The following PLCL2 variants were observed in gnomAD, a reference collection of about 807,000 sequenced individuals.
PLCL2 encodes inactive phospholipase C-like protein 2.
A neutral mutation model predicts 79.6 loss-of-function variants in PLCL2; 4 were observed. The ratio of observed to expected loss-of-function variants is 0.05; its 90% CI spans 0.02 to 0.11. PLCL2 has a LOEUF of 0.11. PLCL2 is among the 10% of genes least tolerant of loss of function. The pLI is 1.00. For missense variants in PLCL2, 895 were observed against 1,291.0 expected (o/e 0.69, Z 4.70); for synonymous variants, 484 against 457.7 (o/e 1.06, Z -0.73).
At chr3:16,985,788 G>A (rs1288028528) in intron 1 of PLCL2, among the ~76,000 whole-genome samples, 1 of 152,144 alleles carries the variant, frequency 6.6e-6, no homozygotes, top group South Asian at 2.1e-4. Context: ...AGAGCACATG[G>A]GAATTAAGCA....
intron 3 of PLCL2, among the ~76,000 whole-genome samples, chr3:17,041,677 C>T (rs933004689): frequency 1.5e-4 from 23 of 152,266 alleles, no homozygotes; most frequent in African/African-American, 5.5e-4. Context: ...GGTGCGGTGG[C>T]TTATGCCTGT....
intron 3 of PLCL2, among the ~76,000 whole-genome samples, chr3:17,039,416 G>C (rs1352061915): frequency 2.0e-5 from 3 of 152,222 alleles, no homozygotes. Flanking sequence ...TTCCTTAAGA[G>C]TACCTAGAGG....
At chr3:17,069,607 A>C (rs1394617064) in intron 5 of PLCL2, among the ~76,000 whole-genome samples, 2 of 152,182 alleles carry the variant, frequency 1.3e-5, no homozygotes, top group Non-Finnish European at 2.9e-5. Context: ...GAGCCCCAAC[A>C]GATTCAAGAC....
rs751478114 is a variant in PLCL2, at chr3:17,010,558, G to C, written c.1212G>C (p.Gly404=). 6.2e-7 allele frequency: 1 copy of C among 1,614,022 alleles called. No homozygotes were observed. The highest frequency in any genetic ancestry group is 1.1e-5 in the South Asian group (1 of 91,056). ...GQEKGWLSID[G]FTNYLMSPDC... is the part of the protein sequence containing the mutation. ...AAAAGGGCTGGCTCTCCATAGACGG[G>C]TTCACTAATTACCTTATGTCACCTG... Residue 404 remains glycine, a synonymous_variant, in exon 2 of 6, where the codon GGG becomes GGC. Transcript: ENST00000615277. This position sits in a 1 kb window ranked among gnomAD's most constrained non-coding sequence, Gnocchi z 5.8.
intron 1 of PLCL2, among the ~76,000 whole-genome samples, chr3:16,950,147 G>T (rs141614822): frequency 6.6e-6 from 1 of 152,082 alleles, no homozygotes; most frequent in African/African-American, 2.4e-5. Flanking sequence ...TCCTTTTTTG[G>T]CATCAACCTC....
intron 5 of PLCL2, among the ~76,000 whole-genome samples, chr3:17,072,670 GAAAAAAAA>G (rs547845475): frequency 1.3e-5 from 1 of 77,076 alleles, no homozygotes. Flanking sequence ...CTGTCTCAAA[GAAAAAAAA>G]AAAAAAAAAG....
At chr3:16,932,771 A>G (rs559987428) in intron 1 of PLCL2, among the ~76,000 whole-genome samples, 1 of 152,300 alleles carries the variant, frequency 6.6e-6, no homozygotes, top group Non-Finnish European at 1.5e-5. Flanking sequence ...ATGAATTACA[A>G]CTTATTAGTT....
chr3:16,895,051 T>C (rs552810853), intron 1 of PLCL2, among the ~76,000 whole-genome samples: 2 of 152,066 alleles, frequency 1.3e-5, no homozygotes, highest in South Asian at 2.1e-4. Flanking sequence ...TATATAGATA[T>C]GTTGAAACAC....
intron 1 of PLCL2, among the ~76,000 whole-genome samples, chr3:16,906,948 G>A (rs1161490452): frequency 3.3e-5 from 5 of 152,250 alleles, no homozygotes; most frequent in South Asian, 2.1e-4. Flanking sequence ...CTTGGAAGGT[G>A]TTTTTTCCCC....
chr3:16,994,815 A>G (rs2064137418), intron 1 of PLCL2, among the ~76,000 whole-genome samples: 1 of 152,014 alleles, frequency 6.6e-6, no homozygotes. Flanking sequence ...CCTGCTCTCC[A>G]CAGTGCTCAC....
chr3:17,042,734 A>G, intron 3 of PLCL2, 140 bp from the exon 4 acceptor site: 1 of 638,362 alleles, frequency 1.6e-6, no homozygotes, highest in Non-Finnish European at 2.9e-6. Flanking sequence ...TGCACATTTG[A>G]AGTTGAGTAG....
chr3:17,050,580 C>T (rs953238965), intron 4 of PLCL2, among the ~76,000 whole-genome samples: 3 of 152,086 alleles, frequency 2.0e-5, no homozygotes, highest in African/African-American at 7.2e-5. Context: ...AAATGCAAAT[C>T]AAAACTAAAT....
intron 1 of PLCL2, among the ~76,000 whole-genome samples, chr3:16,956,166 T>C (rs905366654): frequency 6.6e-6 from 1 of 152,176 alleles, no homozygotes; most frequent in African/African-American, 2.4e-5. Context: ...GCTGTGGGTT[T>C]GTCATAAATA....
At chr3:17,078,076 C>G (rs1458297958) in intron 5 of PLCL2, among the ~76,000 whole-genome samples, 3 of 152,344 alleles carry the variant, frequency 2.0e-5, no homozygotes, top group African/African-American at 7.2e-5. Flanking sequence ...CTGCCTCAGC[C>G]TAGCCTTTTA....
chr3:16,983,838 A>C (rs558173669), intron 1 of PLCL2, among the ~76,000 whole-genome samples: 1 of 152,332 alleles, frequency 6.6e-6, no homozygotes, highest in South Asian at 2.1e-4. Flanking sequence ...TTATCATTTG[A>C]GCACATTCTG....
intron 1 of PLCL2, among the ~76,000 whole-genome samples, chr3:16,909,371 A>G (rs527968511): frequency 6.6e-6 from 1 of 152,250 alleles, no homozygotes; most frequent in Non-Finnish European, 1.5e-5. Flanking sequence ...GGAAAAGGAA[A>G]TAATAATAGT....
chr3:17,075,722 T>A (rs1368642345), intron 5 of PLCL2, among the ~76,000 whole-genome samples: 1 of 152,240 alleles, frequency 6.6e-6, no homozygotes, highest in Non-Finnish European at 1.5e-5. Flanking sequence ...ATCTCATTTC[T>A]ATCTCTATAG....
At chr3:16,996,965 G>A (rs547342086) in intron 1 of PLCL2, among the ~76,000 whole-genome samples, 1 of 152,038 alleles carries the variant, frequency 6.6e-6, no homozygotes, top group Non-Finnish European at 1.5e-5. Flanking sequence ...GAGATGTTTC[G>A]AAAAATTCTT....
chr3:16,915,775 T>C (rs557529425), intron 1 of PLCL2, among the ~76,000 whole-genome samples: 1 of 152,284 alleles, frequency 6.6e-6, no homozygotes, highest in South Asian at 2.1e-4. Flanking sequence ...AGGTTTCACA[T>C]AGGGAAAAGG....
Sources: allele counts gnomAD v4.1 joint callset (sites outside exome capture counted in the v4.1 genomes callset), GRCh38; gene constraint gnomAD v4.1.1; non-coding constraint Gnocchi (gnomAD v3.1); transcripts MANE v1.5; gene names NCBI Gene and HGNC (gene_info 2026-07-23, HGNC 2026-07-21).